CBLB: variants seen among roughly 807,000 people sequenced by gnomAD.
CBLB encodes Cbl proto-oncogene B, also known as E3 ubiquitin-protein ligase CBL-B.
CBLB carries 31 observed loss-of-function variants against 104.9 expected under a neutral mutation model. The ratio of observed to expected loss-of-function variants is 0.30; its 90% CI spans 0.22 to 0.40. The LOEUF (loss-of-function observed/expected upper bound fraction) is 0.40, where lower values mean the gene tolerates loss of function less well. Ranked by LOEUF, CBLB falls within the 10% of genes least tolerant of loss-of-function variation. The pLI is 1.00. For synonymous variants in CBLB, 440 were observed against 422.6 expected, an observed-to-expected ratio of 1.04 and a Z score of -0.51; for missense variants, 1,062 against 1,214.6, an observed-to-expected ratio of 0.87 and a Z score of 1.87.
intron 10 of CBLB, among the ~76,000 whole-genome samples, chr3:105,718,175 C>T (rs968622605): frequency 1.3e-5 from 2 of 152,036 alleles, no homozygotes; most frequent in Non-Finnish European, 2.9e-5. Context: ...CTACTTTCTT[C>T]CATTTCTTAG....
rs1341236524 is a variant in CBLB, at chr3:105,670,221, T to G, written c.2689+12A>C. On this transcript the variant is annotated intron_variant, in intron 18 of 18. Transcript: ENST00000394030. The stretch of plus-strand genomic sequence containing the variant: ...AATAAGGTATTATTGTTACTGTTAC[T>G]AGCCAACTCACCTGAACATGAAGGA... 5 of 1,612,016 alleles carry G rather than the reference T, an allele frequency of 3.1e-6. No homozygotes were observed. The highest frequency in any genetic ancestry group is 2.2e-5 in the South Asian group (2 of 91,044).
At chr3:105,766,200 C>T (rs372862732) in intron 4 of CBLB, among the ~76,000 whole-genome samples, 8 of 152,248 alleles carry the variant, frequency 5.3e-5, no homozygotes, top group African/African-American at 1.7e-4. Context: ...TGATGCAAAT[C>T]TCATAAAATT....
In CBLB at chr3:105,743,331, A is replaced by G. The variant is rs114910621; in HGVS notation, c.845+2586T>C. Among the ~76,000 whole-genome samples, 367 of 151,950 alleles carry G rather than the reference A, an allele frequency of 2.4e-3. 1 individual carries two copies. Among genetic ancestry groups the G allele is most frequent in the South Asian group, 3.3e-3 (16 of 4,810 alleles). ...AAAAATTGGCAAGGCATGATGGTAC[A>G]TGCCTGTAGTCCCAGCTACTCAGGA... On this transcript the variant is annotated intron_variant, in intron 6 of 18. Coordinates refer to ENST00000394030, the MANE Select transcript of CBLB (RefSeq NM_170662.5).
rs573456942 is a variant in CBLB, at chr3:105,701,678, G to A, written c.1959+416C>T. On this transcript the variant is annotated intron_variant, in intron 12 of 18. Coordinates refer to ENST00000394030, the MANE Select transcript of CBLB (RefSeq NM_170662.5). ...CTCAGGAGGCTGAGGCAGGAGAATC[G>A]CTTGAACCTGGGAGGCAGAGGTTGC... Among the ~76,000 whole-genome samples, 132 of 151,766 alleles carry A rather than the reference G, an allele frequency of 8.7e-4. 1 individual carries two copies. The highest frequency in any genetic ancestry group is 3.0e-3 in the African/African-American group (125 of 41,362).
intron 6 of CBLB, 53 bp from the exon 7 acceptor site, chr3:105,740,684 C>A: frequency 1.4e-6 from 2 of 1,476,218 alleles, no homozygotes; most frequent in Non-Finnish European, 1.9e-6. Context: ...TAAATCAATA[C>A]TAAACAATTT....
chr3:105,707,902 A>G (rs987758377), intron 10 of CBLB, among the ~76,000 whole-genome samples: 1 of 152,058 alleles, frequency 6.6e-6, no homozygotes, highest in African/African-American at 2.4e-5. Context: ...GACCAAAATT[A>G]TTTCTCCTTT....
At chr3:105,810,133 T>C (rs2153037186) in intron 3 of CBLB, among the ~76,000 whole-genome samples, 1 of 152,296 alleles carries the variant, frequency 6.6e-6, no homozygotes, top group Non-Finnish European at 1.5e-5. Context: ...ACAAATTAAG[T>C]TAAGCTGGTT....
chr3:105,669,746 C>T (rs9877805), intron 18 of CBLB, among the ~76,000 whole-genome samples: 33,568 of 152,112 alleles, frequency 0.22, 3,826 homozygotes, highest in Admixed American at 0.26. Context: ...AAAGAAGCAG[C>T]ATTCCATTAT....
chr3:105,761,358 T>C (rs1292488635), intron 4 of CBLB, among the ~76,000 whole-genome samples: 2 of 152,182 alleles, frequency 1.3e-5, no homozygotes, highest in Non-Finnish European at 2.9e-5. Context: ...AATAATGATA[T>C]GGTTTGGCTG....
At position 105,711,316 on chromosome 3, in the gene CBLB, C is replaced by A. The variant is rs56100800; in HGVS notation, c.1408-7143G>T. The stretch of plus-strand genomic sequence containing the variant: ...GAGAGTCAATGTTTTTCTATAAATG[C>A]GTGAAAATTAATGAAGACATTGATA... On this transcript the variant is annotated intron_variant, in intron 10 of 18. Transcript: ENST00000394030. Among the ~76,000 whole-genome samples the A allele has an allele frequency of 3.6e-3, 527 of 145,786 alleles. 2 individuals are homozygous for A. The highest frequency in any genetic ancestry group is 5.8e-3 in the Non-Finnish European group (380 of 65,416).
chr3:105,679,078 A>AAT, intron 16 of CBLB, among the ~76,000 whole-genome samples: 1 of 152,210 alleles, frequency 6.6e-6, no homozygotes, highest in African/African-American at 2.4e-5. Context: ...TATTTAACCT[A>AAT]ATGTTTCATA....
chr3:105,863,877 T>C (rs2092272214), intron 2 of CBLB, among the ~76,000 whole-genome samples: 1 of 152,216 alleles, frequency 6.6e-6, no homozygotes, highest in African/African-American at 2.4e-5. Flanking sequence ...TATTTTCTAA[T>C]TTCCTAAGCA....
chr3:105,867,360 A>G (rs767205548), intron 2 of CBLB, 50 bp downstream of exon 2: 2 of 1,528,234 alleles, frequency 1.3e-6, no homozygotes, highest in East Asian at 2.2e-5. Context: ...TGGAGAAACC[A>G]CAGACAAAGT....
At chr3:105,830,303 G>A (rs1380758659) in intron 3 of CBLB, among the ~76,000 whole-genome samples, 1 of 152,180 alleles carries the variant, frequency 6.6e-6, no homozygotes, top group African/African-American at 2.4e-5. Context: ...CAGACATTTA[G>A]ATCCTTGTAC....
chr3:105,787,967 TATG>T (rs1194640267), intron 3 of CBLB, among the ~76,000 whole-genome samples: 4 of 152,186 alleles, frequency 2.6e-5, no homozygotes, highest in African/African-American at 7.2e-5. Context: ...ACTGAAACCA[TATG>T]AAAAATATAA....
At chr3:105,824,658 T>C (rs939569265) in intron 3 of CBLB, among the ~76,000 whole-genome samples, 1 of 152,012 alleles carries the variant, frequency 6.6e-6, no homozygotes, top group Non-Finnish European at 1.5e-5. Context: ...AGTAATAACA[T>C]CTTAAAATAC....
At chr3:105,774,188 T>C (rs916705695) in intron 4 of CBLB, among the ~76,000 whole-genome samples, 2 of 152,162 alleles carry the variant, frequency 1.3e-5, no homozygotes, top group African/African-American at 2.4e-5. Context: ...CATTCTTACA[T>C]GGCCTCAATG....
chr3:105,776,662 G>A, intron 3 of CBLB, 120 bp from the exon 4 acceptor site: 1 of 927,564 alleles, frequency 1.1e-6, no homozygotes, highest in Non-Finnish European at 1.7e-6. Flanking sequence ...TGTCTTGGTG[G>A]TTGATCACGA....
chr3:105,839,187 A>T (rs1244954543), intron 3 of CBLB, among the ~76,000 whole-genome samples: 3 of 152,224 alleles, frequency 2.0e-5, no homozygotes, highest in Non-Finnish European at 4.4e-5. Context: ...AAAGGCTGGC[A>T]ATCTGTATTT....
Sources: gnomAD v4.1 joint callset for allele counts (sites outside exome capture counted in the v4.1 genomes callset) on GRCh38, gnomAD v4.1.1 for gene constraint, MANE v1.5 for transcripts, NCBI Gene and HGNC (gene_info 2026-07-23, HGNC 2026-07-21) for gene names.